The following PTPRD variants were observed in gnomAD, a reference collection of about 807,000 sequenced individuals.
PTPRD encodes the protein protein tyrosine phosphatase receptor type D.
In PTPRD, 34 loss-of-function variants were observed where a neutral mutation model predicts 214.5. That is an observed-to-expected ratio of 0.16 (90% CI 0.12 to 0.21). The LOEUF is 0.21. PTPRD is among the 10% of genes least tolerant of loss of function. The pLI, the probability that PTPRD is intolerant of heterozygous loss-of-function variation, is 1.00. For missense variants in PTPRD, 2,545 were observed against 2,398.7 expected, an observed-to-expected ratio of 1.06 and a Z score of -1.27; for synonymous variants, 1,128 against 845.7, an observed-to-expected ratio of 1.33 and a Z score of -5.79.
intron 9 of PTPRD, among the ~76,000 whole-genome samples, chr9:9,214,901 G>A (rs1188265688): frequency 2.0e-5 from 3 of 152,146 alleles, no homozygotes; most frequent in Non-Finnish European, 4.4e-5. Flanking sequence ...GTTAAGTAAC[G>A]TAATCGAGAT....
At chr9:10,005,683 C>T (rs1277252523) in intron 4 of PTPRD, among the ~76,000 whole-genome samples, 1 of 152,000 alleles carries the variant, frequency 6.6e-6, no homozygotes, top group Non-Finnish European at 1.5e-5. Flanking sequence ...GTCCCTCTGG[C>T]ATGACACTAT....
intron 9 of PTPRD, among the ~76,000 whole-genome samples, chr9:9,294,505 T>C (rs1952323907): frequency 6.6e-6 from 1 of 151,486 alleles, no homozygotes. Flanking sequence ...GCTAAGAAAA[T>C]AAAGTAATTA....
intron 11 of PTPRD, among the ~76,000 whole-genome samples, chr9:8,895,432 G>A (rs1437879555): frequency 6.6e-6 from 1 of 152,164 alleles, no homozygotes. Context: ...TGGAAATTCA[G>A]TGATAGTGAG....
rs867005726 is a variant in PTPRD at position 8,579,402 on chromosome 9, C to T, written c.353-50623G>A. Among the ~76,000 whole-genome samples, 5 of 152,210 alleles carry T rather than the reference C, an allele frequency of 3.3e-5. No individual in the cohort carries two copies. In the Middle Eastern group the frequency reaches 0.01, roughly 313 times the overall value. Reference sequence around the variant, plus strand: ...CTGGAACTTTGCTAAATATATTATCCTTATTAGTTTTAAATACCTTGGGTC... The same window carrying T: ...CTGGAACTTTGCTAAATATATTATCTTTATTAGTTTTAAATACCTTGGGTC... On this transcript the variant is annotated intron_variant, in intron 14 of 45. Coordinates refer to ENST00000381196, the MANE Select transcript of PTPRD (RefSeq NM_002839.4).
chr9:10,165,803 C>G (rs1011101939), intron 3 of PTPRD, among the ~76,000 whole-genome samples: 1 of 150,718 alleles, frequency 6.6e-6, no homozygotes, highest in Non-Finnish European at 1.5e-5. Flanking sequence ...AATAATTACA[C>G]CCATCTGAAT....
chr9:9,267,791 T>C (rs1176343883), intron 9 of PTPRD, among the ~76,000 whole-genome samples: 2 of 134,992 alleles, frequency 1.5e-5, no homozygotes, highest in Admixed American at 7.6e-5. Context: ...ATCATTTCAA[T>C]AGACAAAAAA....
intron 44 of PTPRD, among the ~76,000 whole-genome samples, chr9:8,322,446 G>A (rs1829339342): frequency 1.3e-5 from 2 of 152,168 alleles, no homozygotes; most frequent in South Asian, 4.1e-4. Context: ...CTGCTGATAT[G>A]AAGAAAGTTT....
intron 3 of PTPRD, among the ~76,000 whole-genome samples, chr9:10,099,134 T>A (rs1340694275): frequency 6.6e-6 from 1 of 151,784 alleles, no homozygotes; most frequent in East Asian, 1.9e-4. Flanking sequence ...TAGTAGTTTT[T>A]GTTATGGTTT....
intron 5 of PTPRD, among the ~76,000 whole-genome samples, chr9:9,767,881 A>C (rs1247786057): frequency 6.6e-6 from 1 of 152,178 alleles, no homozygotes; most frequent in Non-Finnish European, 1.5e-5. Flanking sequence ...TTATGATTTA[A>C]GGGATTGGTT....
At chr9:9,020,757 A>T (rs931174548) in intron 10 of PTPRD, among the ~76,000 whole-genome samples, 1 of 152,168 alleles carries the variant, frequency 6.6e-6, no homozygotes, top group African/African-American at 2.4e-5. Flanking sequence ...TGATTTTGAG[A>T]ATTGCCAGCA....
chr9:8,528,881 G>T, intron 14 of PTPRD, 102 bp from the exon 15 acceptor site: 1 of 1,148,262 alleles, frequency 8.7e-7, no homozygotes, highest in Non-Finnish European at 1.2e-6. Flanking sequence ...AGTGCTTGTT[G>T]AGAACCTAAC....
intron 6 of PTPRD, among the ~76,000 whole-genome samples, chr9:9,746,608 A>T (rs1463665737): frequency 6.6e-6 from 1 of 152,206 alleles, no homozygotes; most frequent in Non-Finnish European, 1.5e-5. Context: ...ACAAATTGGG[A>T]TATGAGTGTT....
chr9:8,767,747 C>G (rs945893933), intron 11 of PTPRD, among the ~76,000 whole-genome samples: 3 of 152,064 alleles, frequency 2.0e-5, no homozygotes, highest in Non-Finnish European at 4.4e-5. Context: ...ATAATTAAGT[C>G]AGAATCTTTC....
At chr9:8,676,789 G>C (rs1161444181) in intron 12 of PTPRD, among the ~76,000 whole-genome samples, 1 of 152,120 alleles carries the variant, frequency 6.6e-6, no homozygotes, top group Non-Finnish European at 1.5e-5. Flanking sequence ...GGTCAAGCTG[G>C]TCTCGAACTC....
intron 11 of PTPRD, among the ~76,000 whole-genome samples, chr9:8,896,220 T>C (rs1473561149): frequency 6.6e-6 from 1 of 152,226 alleles, no homozygotes; most frequent in Non-Finnish European, 1.5e-5. Flanking sequence ...CACATAAATA[T>C]AATTTTCTTT....
At chr9:8,456,610 A>G (rs1473187756) in intron 33 of PTPRD, among the ~76,000 whole-genome samples, 1 of 152,084 alleles carries the variant, frequency 6.6e-6, no homozygotes, top group Non-Finnish European at 1.5e-5. Flanking sequence ...AGGGCTTGGA[A>G]CTGTATGGAG....
At chr9:8,658,301 C>G (rs1487645855) in intron 12 of PTPRD, among the ~76,000 whole-genome samples, 1 of 152,088 alleles carries the variant, frequency 6.6e-6, no homozygotes, top group Non-Finnish European at 1.5e-5. Flanking sequence ...AAAATCCTTA[C>G]TACTAGTTGC....
At chr9:10,488,858 G>A (rs1383776284) in intron 2 of PTPRD, among the ~76,000 whole-genome samples, 2 of 152,064 alleles carry the variant, frequency 1.3e-5, no homozygotes, top group East Asian at 3.9e-4. Context: ...AGGGCAGTGG[G>A]CTCCCCTCTG....
chr9:10,060,293 G>A (rs921826779), intron 3 of PTPRD, among the ~76,000 whole-genome samples: 1 of 151,976 alleles, frequency 6.6e-6, no homozygotes, highest in Non-Finnish European at 1.5e-5. Flanking sequence ...AGGAAAGAGA[G>A]GGAAAGAAAA....
Sources: gnomAD v4.1 joint callset for allele counts (sites outside exome capture counted in the v4.1 genomes callset) on GRCh38, gnomAD v4.1.1 for gene constraint, MANE v1.5 for transcripts, NCBI Gene and HGNC (gene_info 2026-07-23, HGNC 2026-07-21) for gene names.